Variants in ITSN1 observed in about 807,000 individuals in gnomAD.
ITSN1 encodes the protein intersectin-1.
A neutral mutation model predicts 239.8 loss-of-function variants in ITSN1; 58 were observed. That is an observed-to-expected ratio of 0.24 (90% confidence interval 0.20 to 0.30). ITSN1 has a LOEUF of 0.30. Among genes scored for constraint, ITSN1 ranks in the 10% least tolerant of loss-of-function variants. ITSN1 has a pLI of 1.00. For synonymous variants in ITSN1, 780 were observed against 770.8 expected (o/e 1.01, Z -0.20); for missense variants, 1,558 against 2,103.3 (o/e 0.74, Z 5.07).
rs2065772920 is a variant in ITSN1, at chr21:33,725,455, C to G, written c.185+2804C>G. On this transcript the variant is annotated intron_variant, in intron 4 of 39. Transcript: ENST00000381318. Reference sequence around the variant, plus strand: ...GGCCAAAAAAATTTTTTTTAATTAGCTGGGCATTGTGGTGCATGCCTGTAG... The same window carrying G: ...GGCCAAAAAAATTTTTTTTAATTAGGTGGGCATTGTGGTGCATGCCTGTAG... Among the ~76,000 whole-genome samples the G allele has an allele frequency of 2.0e-5, 3 of 151,956 alleles. No individual in the cohort carries two copies. In the South Asian group the frequency reaches 6.2e-4, roughly 31 times the overall value.
chr21:33,889,949 G>T lies in ITSN1; in HGVS notation c.*1649G>T, dbSNP rs923152913. 1.3e-5 allele frequency: 2 copies of T among 152,170 alleles called. No individual in the cohort carries two copies. Among genetic ancestry groups the T allele is most frequent in the Non-Finnish European group, 2.9e-5 (2 of 68,036 alleles). 9.4% of individuals were successfully genotyped at this position (152,170 alleles called of 1,614,324 possible). Reference sequence around the variant, plus strand: ...AATACTTTATTATTTATTTATTGAAGATAGTGTAGAATTTTGTATCAAGAA... The same window carrying T: ...AATACTTTATTATTTATTTATTGAATATAGTGTAGAATTTTGTATCAAGAA... On this transcript the variant is annotated 3_prime_UTR_variant, in exon 40 of 40. Coordinates refer to ENST00000381318, the MANE Select transcript of ITSN1 (RefSeq NM_003024.3).
chr21:33,873,460 C>T (rs889394231), intron 33 of ITSN1, among the ~76,000 whole-genome samples: 2 of 152,210 alleles, frequency 1.3e-5, no homozygotes, highest in African/African-American at 4.8e-5. Flanking sequence ...TTATTGAGCA[C>T]TTTCTAAGGG....
At chr21:33,883,404 AAC>A (rs1328480033) in intron 35 of ITSN1, 144 bp from the exon 36 acceptor site, 2 of 1,077,264 alleles carry the variant, frequency 1.9e-6, no homozygotes, top group African/African-American at 3.1e-5. Context: ...AGGTTACTGA[AAC>A]ACACGCACGA....
chr21:33,694,045 G>A (rs184500203), intron 1 of ITSN1, among the ~76,000 whole-genome samples: 1 of 151,946 alleles, frequency 6.6e-6, no homozygotes, highest in African/African-American at 2.4e-5. Flanking sequence ...ACAGAGTCTT[G>A]CTCTTTTGCT....
intron 32 of ITSN1, among the ~76,000 whole-genome samples, chr21:33,866,327 C>T (rs1193320675): frequency 3.3e-5 from 5 of 152,298 alleles, no homozygotes; most frequent in South Asian, 4.1e-4. Context: ...TGGATGGAGA[C>T]GAGAGAGCAG....
Position 33,892,292 on chromosome 21 carries a change from C to A in ITSN1, c.*3992C>A, listed in dbSNP as rs1317139013. Reference sequence around the variant, plus strand: ...CCTCAGACAGTATAGTCTGAGCCACCATAAGAGGCATTAGGGAAAACTAAC... The same window carrying A: ...CCTCAGACAGTATAGTCTGAGCCACAATAAGAGGCATTAGGGAAAACTAAC... On this transcript the variant is annotated 3_prime_UTR_variant, in exon 40 of 40. Coordinates refer to ENST00000381318, the MANE Select transcript of ITSN1 (RefSeq NM_003024.3). The A allele has an allele frequency of 6.6e-6, 1 of 152,210 alleles. No individual in the cohort carries two copies. Among genetic ancestry groups the A allele is most frequent in the Admixed American group, 6.5e-5 (1 of 15,284 alleles). The allele number at this position is 152,210 out of a possible 1,614,324, so 9.4% of individuals were successfully genotyped here. A position where few individuals can be genotyped will look rare whatever the true frequency, so the allele number is the denominator to read the frequency against.
chr21:33,719,649 C>T lies in ITSN1; in HGVS notation c.28+793C>T, dbSNP rs368055525. On this transcript the variant is annotated intron_variant, in intron 2 of 39. Coordinates refer to ENST00000381318, the MANE Select transcript of ITSN1 (RefSeq NM_003024.3). ...CCAAGTCTCTTAGTGAATTTTCCCCCACTCCTCTGTTTTTTTATCAGCAAG... is the reference window on the plus strand; with the variant it reads ...CCAAGTCTCTTAGTGAATTTTCCCCTACTCCTCTGTTTTTTTATCAGCAAG... Among the ~76,000 whole-genome samples the T allele has an allele frequency of 1.9e-4, 29 of 152,232 alleles. 1 individual carries two copies. In the East Asian group the frequency reaches 3.3e-3, roughly 17 times the overall value.
chr21:33,858,902 G>T, intron 31 of ITSN1, 110 bp downstream of exon 31: 2 of 563,014 alleles, frequency 3.6e-6, no homozygotes, highest in Non-Finnish European at 3.1e-6. Context: ...GCTTCTTTCT[G>T]GCTTTTTTTT....
chr21:33,867,338 A>G lies in ITSN1; in HGVS notation c.4173+7A>G, dbSNP rs1981776128. The G allele has an allele frequency of 1.3e-6, 2 of 1,539,508 alleles. No homozygotes were observed. The highest frequency in any genetic ancestry group is 9.0e-7 in the Non-Finnish European group (1 of 1,112,224). ...CCCACTGATCATTAAAAATGTAAGT[A>G]CCTGTCTTGCCTTTTCAAGCAGGGG... On this transcript the variant is annotated splice_region_variant and intron_variant, in intron 33 of 39. Coordinates refer to ENST00000381318, the MANE Select transcript of ITSN1 (RefSeq NM_003024.3).
At chr21:33,840,570 C>T (rs976692552) in intron 29 of ITSN1, among the ~76,000 whole-genome samples, 1 of 152,154 alleles carries the variant, frequency 6.6e-6, no homozygotes, top group Non-Finnish European at 1.5e-5. Context: ...CCATGTTGGC[C>T]AGGCTGGTCT....
rs2068690156 is a variant in ITSN1 at position 33,765,899 on chromosome 21, T to A, written c.813T>A (p.Asp271Glu). 6.2e-7 allele frequency: 1 copy of A among 1,614,042 alleles called. No individual in the cohort carries two copies. The highest frequency in any genetic ancestry group is 8.5e-7 in the Non-Finnish European group (1 of 1,180,004). ...GGAATCTTTCTGACATTGATCAAGA[T>A]GGAAAACTTACAGCAGAGGAATTTA... The part of the protein sequence containing the change: ...SIWNLSDIDQ[D>E]GKLTAEEFIL... Residue 271 changes from aspartate (D) to glutamate (E), a missense_variant, in exon 10 of 40, where the codon GAT becomes GAA. This residue lies in a region of ITSN1 where 982 missense variants were observed against 1,209.9 expected (regional missense o/e 0.81). Transcript: ENST00000381318.
At chr21:33,800,784 C>G (rs1305165005) in intron 19 of ITSN1, among the ~76,000 whole-genome samples, 2 of 148,938 alleles carry the variant, frequency 1.3e-5, no homozygotes, top group East Asian at 3.9e-4. Flanking sequence ...TTACTCTTAA[C>G]ATTTTTTTTT....
In ITSN1 at chr21:33,755,416, T is replaced by C. The variant is rs182931291; in HGVS notation, c.724+19T>C. 2.3e-5 allele frequency: 30 copies of C among 1,303,162 alleles called. No individual in the cohort carries two copies. The highest frequency in any genetic ancestry group is 3.2e-5 in the Non-Finnish European group (29 of 912,866). The allele number at this position is 1,303,162 out of a possible 1,614,324, so 80.7% of individuals were successfully genotyped here. ...TTAACAGGTATTTACAAATAAAAAT[T>C]AGTGAAATATGATCTTTGTTTTCAA... On this transcript the variant is annotated intron_variant, in intron 8 of 39. Coordinates refer to ENST00000381318, the MANE Select transcript of ITSN1 (RefSeq NM_003024.3).
rs761966672 is a variant in ITSN1 at position 33,811,154 on chromosome 21, C to G, written c.2499C>G (p.Pro833=). The change falls in exon 21 of 40, where the codon CCC becomes CCG. Residue 833 remains proline (P), a synonymous_variant. Transcript: ENST00000381318. The part of the protein sequence containing the change: ...PAPKLALRET[P]APLAVTSSEP... ...CCAAACTGGCCTTGCGTGAGACCCC[C>G]GCCCCTTTGGCAGTAACCTCTTCAG... The G allele has an allele frequency of 6.2e-7, 1 of 1,613,476 alleles. No homozygotes were observed.
rs146985024 is a variant in ITSN1, at chr21:33,754,920, G to A, written c.624-377G>A. Among the ~76,000 whole-genome samples the A allele has an allele frequency of 1.8e-3, 276 of 152,280 alleles. 1 individual carries two copies. The highest frequency in any genetic ancestry group is 6.5e-3 in the African/African-American group (270 of 41,556). The stretch of plus-strand genomic sequence containing the variant: ...CAGTTATTGGTTTGCTTTTAGCATT[G>A]CTTTTTAACCAAAAAAGAAGTGTTT... On this transcript the variant is annotated intron_variant, in intron 7 of 39. Coordinates refer to ENST00000381318, the MANE Select transcript of ITSN1 (RefSeq NM_003024.3).
chr21:33,680,396 A>G (rs2090876360), intron 1 of ITSN1, among the ~76,000 whole-genome samples: 1 of 150,060 alleles, frequency 6.7e-6, no homozygotes, highest in Non-Finnish European at 1.5e-5. Context: ...CAATGGCGCA[A>G]TCTCGGCTCA....
intron 1 of ITSN1, among the ~76,000 whole-genome samples, chr21:33,705,052 A>G (rs2092192203): frequency 6.7e-6 from 1 of 149,408 alleles, no homozygotes; most frequent in African/African-American, 2.5e-5. Context: ...CAGAGGTTGC[A>G]GTGAGCCGAG....
At chr21:33,873,993 C>CT (rs1983208001) in intron 33 of ITSN1, among the ~76,000 whole-genome samples, 1 of 151,190 alleles carries the variant, frequency 6.6e-6, no homozygotes, top group African/African-American at 2.4e-5. Flanking sequence ...AAACCCCCAT[C>CT]TCTACTAAAA....
chr21:33,680,699 A>G (rs58171609), intron 1 of ITSN1, among the ~76,000 whole-genome samples: 134,016 of 152,064 alleles, frequency 0.88, 59,573 homozygotes, highest in African/African-American at 0.97. Flanking sequence ...AAATGTCTGA[A>G]GTCCTGCCCA....
Sources: allele counts gnomAD v4.1 joint callset (sites outside exome capture counted in the v4.1 genomes callset), GRCh38; gene constraint gnomAD v4.1.1; regional missense constraint gnomAD v4.1.1; transcripts MANE v1.5; gene names NCBI Gene and HGNC (gene_info 2026-07-23, HGNC 2026-07-21).